SLC5A8: variants seen among roughly 807,000 people sequenced by gnomAD.
SLC5A8 encodes the protein sodium-coupled monocarboxylate transporter 1.
A neutral mutation model predicts 71.9 loss-of-function variants in SLC5A8; 55 were observed. The observed-to-expected ratio is 0.77, with a 90% confidence interval of 0.62 to 0.96. The LOEUF (loss-of-function observed/expected upper bound fraction) is 0.96. SLC5A8 is among the 40% of genes least tolerant of loss of function. SLC5A8 has a pLI of 0.00. For synonymous variants in SLC5A8, 307 were observed against 276.1 expected, an observed-to-expected ratio of 1.11 and a Z score of -1.11; for missense variants, 701 against 745.3, an observed-to-expected ratio of 0.94 and a Z score of 0.69.
chr12:101,166,005 G>A (rs2051766511), intron 12 of SLC5A8, among the ~76,000 whole-genome samples: 1 of 152,176 alleles, frequency 6.6e-6, no homozygotes, highest in Non-Finnish European at 1.5e-5. Flanking sequence ...GAAATCTGTA[G>A]CATGAAGATC....
chr12:101,177,235 C>T (rs897866470), intron 10 of SLC5A8, among the ~76,000 whole-genome samples: 2 of 151,262 alleles, frequency 1.3e-5, no homozygotes, highest in African/African-American at 4.9e-5. Context: ...ATTTGAATAG[C>T]TCTGTAACTA....
chr12:101,179,040 T>C (rs989019463), intron 10 of SLC5A8, among the ~76,000 whole-genome samples: 7 of 151,900 alleles, frequency 4.6e-5, no homozygotes, highest in African/African-American at 1.7e-4. Context: ...AGATGAAAAA[T>C]AAGTCGCTGA....
In SLC5A8 at chr12:101,191,973, G is replaced by C. The variant is rs920617891; in HGVS notation, c.693-1365C>G. On this transcript the variant is annotated intron_variant, in intron 5 of 14. Transcript: ENST00000536262. ...AGTGACAGCTATCTTGCAGAAAAATGATTGGTTCCATACCCTCTCTCCTCA... is the reference window on the plus strand; with the variant it reads ...AGTGACAGCTATCTTGCAGAAAAATCATTGGTTCCATACCCTCTCTCCTCA... Among the ~76,000 whole-genome samples, 7 of 152,140 alleles carry C rather than the reference G, an allele frequency of 4.6e-5. 1 individual carries two copies. Among genetic ancestry groups the C allele is most frequent in the Admixed American group, 4.6e-4 (7 of 15,280 alleles).
chr12:101,165,159 G>A (rs1170203042), intron 12 of SLC5A8, among the ~76,000 whole-genome samples: 1 of 152,052 alleles, frequency 6.6e-6, no homozygotes, highest in African/African-American at 2.4e-5. Flanking sequence ...GCACAGTGCT[G>A]GGTACATAGT....
In SLC5A8 at chr12:101,204,500, T is replaced by A. The variant is rs139123133; in HGVS notation, c.417A>T (p.Thr139=). The part of the protein sequence containing the change: ...LCGTVLFIVQ[T]ILYTGIVIYA... ...ATAAAATAAATGGAGAGCTACTTAC[T>A]GTTTGAACAATGAAGAGGACTGTTC... Residue 139 remains threonine, a splice_region_variant and synonymous_variant, in exon 2 of 15, where the codon ACA becomes ACT. Coordinates refer to ENST00000536262, the MANE Select transcript of SLC5A8 (RefSeq NM_145913.5). 2 of 1,594,456 alleles carry A rather than the reference T, an allele frequency of 1.3e-6. No individual in the cohort carries two copies. The highest frequency in any genetic ancestry group is 2.7e-5 in the African/African-American group (2 of 73,670).
At chr12:101,185,933 G>A (rs1275661081) in intron 7 of SLC5A8, among the ~76,000 whole-genome samples, 1 of 152,076 alleles carries the variant, frequency 6.6e-6, no homozygotes, top group African/African-American at 2.4e-5. Flanking sequence ...TATCCCCAGT[G>A]AAGTGTTAAT....
Position 101,184,930 on chromosome 12 carries a change from T to G in SLC5A8, c.964-708A>C, listed in dbSNP as rs970438272. Among the ~76,000 whole-genome samples, 4 of 152,254 alleles carry G rather than the reference T, an allele frequency of 2.6e-5. No homozygotes were observed. In the East Asian group the frequency reaches 7.7e-4, roughly 29 times the overall value. On this transcript the variant is annotated intron_variant, in intron 7 of 14. Coordinates refer to ENST00000536262, the MANE Select transcript of SLC5A8 (RefSeq NM_145913.5). ...TCAGGACTCTGTTGCATGGCAGTTT[T>G]TCTACAAAATCAGTTTCCGAATCAA...
At position 101,195,161 on chromosome 12, in the gene SLC5A8, G is replaced by A. The variant is rs745588906; in HGVS notation, c.471C>T (p.Val157=). Residue 157 remains valine (V), a splice_region_variant and synonymous_variant, in exon 4 of 15, where the codon GTC becomes GTT. Transcript: ENST00000536262. ...CCGCGCCCCACAGATCAAATCCTGT[G>A]ACTGTAGAAAAAAATAGAATGCATA... The part of the protein sequence containing the change: ...IYAPALALNQ[V]TGFDLWGAVV... 6.2e-7 allele frequency: 1 copy of A among 1,613,866 alleles called. No individual in the cohort carries two copies. The highest frequency in any genetic ancestry group is 8.5e-7 in the Non-Finnish European group (1 of 1,179,920).
rs1281258371 is a variant in SLC5A8 at position 101,209,928 on chromosome 12, C to A, written c.-80G>T. ...CCGGAGCCCGGCGCGCACTTCTTAT[C>A]CCGGATCCCTGGCGCGCAGGCGTGG... On this transcript the variant is annotated 5_prime_UTR_variant, in exon 1 of 15. Coordinates refer to ENST00000536262, the MANE Select transcript of SLC5A8 (RefSeq NM_145913.5). 2 of 1,309,682 alleles carry A rather than the reference C, an allele frequency of 1.5e-6. No homozygotes were observed. Among genetic ancestry groups the A allele is most frequent in the African/African-American group, 3.0e-5 (2 of 65,902 alleles). The allele number at this position is 1,309,682 out of a possible 1,614,324, so 81.1% of individuals were successfully genotyped here. A position where few individuals can be genotyped will look rare whatever the true frequency, so the allele number is the denominator to read the frequency against.
chr12:101,157,468 A>G, intron 14 of SLC5A8, 67 bp from the exon 15 acceptor site: 2 of 1,496,890 alleles, frequency 1.3e-6, no homozygotes, highest in Non-Finnish European at 1.8e-6. Flanking sequence ...GTAATTCTAA[A>G]TAATTGTTTC....
intron 10 of SLC5A8, among the ~76,000 whole-genome samples, chr12:101,171,009 A>C (rs768272809): frequency 1.3e-5 from 2 of 152,192 alleles, no homozygotes. Context: ...TGCTCTTACC[A>C]GAAGAATAGC....
At position 101,157,114 on chromosome 12, in the gene SLC5A8, T is replaced by C; in HGVS notation, c.*165A>G. 1 of 651,186 alleles carries C rather than the reference T, an allele frequency of 1.5e-6. No homozygotes were observed. Among genetic ancestry groups the C allele is most frequent in the Non-Finnish European group, 2.5e-6 (1 of 402,396 alleles). 40.3% of individuals were successfully genotyped at this position (651,186 alleles called of 1,614,324 possible). On this transcript the variant is annotated 3_prime_UTR_variant, in exon 15 of 15. Transcript: ENST00000536262. Reference sequence around the variant, plus strand: ...TAAACTCCAGAGTAACATCAATTAATGATGTAGTAAATGAAGATAGTCCAG... The same window carrying C: ...TAAACTCCAGAGTAACATCAATTAACGATGTAGTAAATGAAGATAGTCCAG...
At chr12:101,179,996 T>C (rs1166767600) in intron 10 of SLC5A8, 33 bp downstream of exon 10, 2 of 1,611,758 alleles carry the variant, frequency 1.2e-6, no homozygotes, top group African/African-American at 2.7e-5. Flanking sequence ...ATTTAGTGAT[T>C]TATGACTTAA....
At chr12:101,205,007 C>CA (rs1447098528) in intron 1 of SLC5A8, among the ~76,000 whole-genome samples, 1 of 152,222 alleles carries the variant, frequency 6.6e-6, no homozygotes, top group Admixed American at 6.5e-5. Context: ...CTACTCCATA[C>CA]ATTTTTCTTG....
intron 10 of SLC5A8, among the ~76,000 whole-genome samples, chr12:101,168,648 T>C (rs1198511781): frequency 2.0e-5 from 3 of 152,172 alleles, no homozygotes; most frequent in Admixed American, 6.5e-5. Context: ...AGGATGAAAC[T>C]AGAATGAGAA....
chr12:101,195,410 G>A (rs1191085305), intron 3 of SLC5A8, among the ~76,000 whole-genome samples: 1 of 152,118 alleles, frequency 6.6e-6, no homozygotes, highest in Non-Finnish European at 1.5e-5. Context: ...TACATGGAAA[G>A]GCGTTTATAT....
intron 7 of SLC5A8, among the ~76,000 whole-genome samples, chr12:101,185,561 G>T (rs530692537): frequency 1.3e-5 from 2 of 152,150 alleles, no homozygotes; most frequent in African/African-American, 4.8e-5. Context: ...CTCTCTTGAG[G>T]ATAAGGGGTT....
At chr12:101,185,606 T>C (rs920438939) in intron 7 of SLC5A8, among the ~76,000 whole-genome samples, 14 of 152,134 alleles carry the variant, frequency 9.2e-5, no homozygotes, top group Non-Finnish European at 1.6e-4. Context: ...TTTAAGGCAG[T>C]CTCCCTCTCT....
chr12:101,158,363 A>C (rs762553898), intron 13 of SLC5A8, 35 bp from the exon 14 acceptor site: 43 of 1,374,654 alleles, frequency 3.1e-5, no homozygotes, highest in Non-Finnish European at 4.3e-5. Context: ...TACGTTGTTA[A>C]AAAGGACACC....
Sources: allele counts gnomAD v4.1 joint callset (sites outside exome capture counted in the v4.1 genomes callset), GRCh38; gene constraint gnomAD v4.1.1; transcripts MANE v1.5; gene names NCBI Gene and HGNC (gene_info 2026-07-23, HGNC 2026-07-21).